The following DLG2 variants were observed in gnomAD, a reference collection of about 807,000 sequenced individuals.
DLG2 encodes disks large homolog 2.
Under a neutral mutation model 132.5 loss-of-function variants are expected in DLG2, and 45 were observed. That is an observed-to-expected ratio of 0.34 (90% CI 0.27 to 0.44). The LOEUF (loss-of-function observed/expected upper bound fraction) is 0.44, where lower values mean the gene tolerates loss of function less well. DLG2 is among the 20% of genes least tolerant of loss of function. The probability of loss-of-function intolerance (pLI) is 1.00; values close to 1 mark genes in which losing one functional copy is unlikely to be tolerated. For synonymous variants in DLG2, 424 were observed against 419.6 expected (o/e 1.01, Z -0.13); for missense variants, 1,045 against 1,196.9 (o/e 0.87, Z 1.87).
intron 18 of DLG2, among the ~76,000 whole-genome samples, chr11:83,771,471 GCACT>G (rs1313879389): frequency 1.3e-5 from 2 of 152,196 alleles, no homozygotes; most frequent in Non-Finnish European, 1.5e-5. Flanking sequence ...ATCTCAGAGT[GCACT>G]TACATGAACC....
chr11:83,653,751 C>G (rs2071385644), intron 18 of DLG2, among the ~76,000 whole-genome samples: 1 of 151,958 alleles, frequency 6.6e-6, no homozygotes, highest in Non-Finnish European at 1.5e-5. Context: ...TAGATGGAGT[C>G]TTGCTCTGTT....
intron 4 of DLG2, among the ~76,000 whole-genome samples, chr11:85,188,054 T>G (rs1489377686): frequency 2.0e-5 from 3 of 152,314 alleles, no homozygotes; most frequent in African/African-American, 7.2e-5. Flanking sequence ...TATGTGTCCC[T>G]GGCTGAATAT....
intron 6 of DLG2, among the ~76,000 whole-genome samples, chr11:84,674,092 A>T (rs1030536265): frequency 9.9e-5 from 15 of 152,184 alleles, no homozygotes; most frequent in African/African-American, 3.6e-4. Flanking sequence ...AAAGACAAAA[A>T]TAGAATTGGG....
At chr11:85,480,824 A>C (rs2093270542) in intron 3 of DLG2, among the ~76,000 whole-genome samples, 1 of 152,232 alleles carries the variant, frequency 6.6e-6, no homozygotes, top group Non-Finnish European at 1.5e-5. Context: ...CACAGGAAAA[A>C]AAACTAAATG....
chr11:84,753,827 G>C (rs1162892482), intron 6 of DLG2, among the ~76,000 whole-genome samples: 1 of 152,224 alleles, frequency 6.6e-6, no homozygotes, highest in Non-Finnish European at 1.5e-5. Context: ...GATTGAGAAA[G>C]AGTGGCCAGC....
chr11:85,289,447 A>G (rs2078758735), intron 3 of DLG2, among the ~76,000 whole-genome samples: 1 of 152,166 alleles, frequency 6.6e-6, no homozygotes, highest in African/African-American at 2.4e-5. Flanking sequence ...GAAGTCAGAG[A>G]TCTAAATATG....
At chr11:84,602,376 TTAAG>T (rs1375334781) in intron 6 of DLG2, among the ~76,000 whole-genome samples, 1 of 151,788 alleles carries the variant, frequency 6.6e-6, no homozygotes, top group Non-Finnish European at 1.5e-5. Context: ...CATAAAGGTA[TTAAG>T]TAACAGAAAG....
At chr11:83,509,329 A>G (rs2094890841) in intron 21 of DLG2, among the ~76,000 whole-genome samples, 1 of 152,228 alleles carries the variant, frequency 6.6e-6, no homozygotes, top group South Asian at 2.1e-4. Flanking sequence ...TCACATTATC[A>G]TCACCACTTG....
At chr11:84,516,126 C>A (rs1053336226) in intron 7 of DLG2, among the ~76,000 whole-genome samples, 4 of 148,692 alleles carry the variant, frequency 2.7e-5, no homozygotes, top group Non-Finnish European at 4.5e-5. Flanking sequence ...ATGTCTACAT[C>A]AAAAAAAAAG....
At chr11:84,644,428 C>T (rs952833479) in intron 6 of DLG2, among the ~76,000 whole-genome samples, 10 of 152,072 alleles carry the variant, frequency 6.6e-5, no homozygotes, top group Non-Finnish European at 1.3e-4. Flanking sequence ...TATTGGAGGC[C>T]GGGCGCGGTG....
At chr11:84,916,969 A>G (rs1390362416) in intron 6 of DLG2, among the ~76,000 whole-genome samples, 1 of 152,188 alleles carries the variant, frequency 6.6e-6, no homozygotes, top group African/African-American at 2.4e-5. Context: ...TTCACTAACC[A>G]TCTTATCTAA....
chr11:85,270,309 T>C (rs1247371199), intron 4 of DLG2, among the ~76,000 whole-genome samples: 1 of 152,184 alleles, frequency 6.6e-6, no homozygotes, highest in African/African-American at 2.4e-5. Flanking sequence ...TTGTCTTCTC[T>C]TGTCTGCCGC....
At chr11:83,782,163 A>T (rs1327402540) in intron 18 of DLG2, among the ~76,000 whole-genome samples, 1 of 152,216 alleles carries the variant, frequency 6.6e-6, no homozygotes, top group Admixed American at 6.5e-5. Flanking sequence ...CAAATGTCCA[A>T]ACCAGGGATT....
At position 85,475,254 on chromosome 11, in the gene DLG2, G is replaced by A. The variant is rs146143780; in HGVS notation, c.40+123403C>T. 5.4e-3 allele frequency among the ~76,000 whole-genome samples: 823 copies of A among 151,580 alleles called. 10 individuals carry two copies. The highest frequency in any genetic ancestry group is 0.019 in the African/African-American group (802 of 41,428). The stretch of plus-strand genomic sequence containing the variant: ...AGCAAAACTGTACCAAGATAAAACA[G>A]AGCAAAACAAAAATCTTCCCAGATA... On this transcript the variant is annotated intron_variant, in intron 3 of 27. Coordinates refer to ENST00000376104, the MANE Select transcript of DLG2 (RefSeq NM_001142699.3).
chr11:85,205,363 G>A (rs975606967), intron 4 of DLG2, among the ~76,000 whole-genome samples: 2 of 151,900 alleles, frequency 1.3e-5, no homozygotes, highest in African/African-American at 2.4e-5. Context: ...AAAATATAAT[G>A]GGGTTACCAG....
intron 6 of DLG2, among the ~76,000 whole-genome samples, chr11:84,964,562 C>T (rs1049095281): frequency 2.0e-5 from 3 of 152,072 alleles, no homozygotes; most frequent in African/African-American, 7.2e-5. Context: ...CTTTGCTATA[C>T]ATGGAGAAAA....
At chr11:85,363,684 T>G (rs1565381511) in intron 3 of DLG2, among the ~76,000 whole-genome samples, 2 of 152,218 alleles carry the variant, frequency 1.3e-5, no homozygotes, top group Non-Finnish European at 2.9e-5. Flanking sequence ...TTTTACCTTT[T>G]AAGTACCTAC....
chr11:83,586,262 T>C (rs1294537406), intron 19 of DLG2, among the ~76,000 whole-genome samples: 6 of 152,270 alleles, frequency 3.9e-5, no homozygotes, highest in African/African-American at 1.4e-4. Flanking sequence ...AGTGTCATTC[T>C]GTGCCCACTA....
intron 11 of DLG2, among the ~76,000 whole-genome samples, chr11:84,049,343 C>T (rs1184960165): frequency 6.6e-6 from 1 of 151,694 alleles, no homozygotes; most frequent in African/African-American, 2.4e-5. Context: ...ATTAAGTGGA[C>T]TGGTAAGCAA....
Sources: allele counts gnomAD v4.1 joint callset (sites outside exome capture counted in the v4.1 genomes callset), GRCh38; gene constraint gnomAD v4.1.1; transcripts MANE v1.5; gene names NCBI Gene and HGNC (gene_info 2026-07-23, HGNC 2026-07-21).